ECM2: variants seen among roughly 807,000 people sequenced by gnomAD.
ECM2 encodes extracellular matrix protein 2, female organ and adipocyte specific.
In ECM2, 57 loss-of-function variants were observed where a neutral mutation model predicts 67.5. That is an observed-to-expected ratio of 0.84 (90% CI 0.68 to 1.05). ECM2 has a LOEUF of 1.05. Ranked by LOEUF, ECM2 falls within the 50% of genes least tolerant of loss-of-function variation. ECM2 has a pLI of 0.00. For missense variants in ECM2, 741 were observed against 822.8 expected, an observed-to-expected ratio of 0.90 and a Z score of 1.22; for synonymous variants, 258 against 294.5, an observed-to-expected ratio of 0.88 and a Z score of 1.27.
the ECM2 span, among the ~76,000 whole-genome samples, chr9:92,551,404 C>A: frequency 6.6e-6 from 1 of 152,126 alleles, no homozygotes; most frequent in Admixed American, 6.5e-5. Context: ...GTGGCACAAC[C>A]ATGGCTTACT....
Position 92,496,452 on chromosome 9 carries a change from C to T in ECM2, c.1963G>A (p.Glu655Lys), listed in dbSNP as rs560245338. 3 of 1,607,458 alleles carry T rather than the reference C, an allele frequency of 1.9e-6. No individual in the cohort carries two copies. Among genetic ancestry groups the T allele is most frequent in the African/African-American group, 2.7e-5 (2 of 74,632 alleles). ...NILPEEICNA[E>K]EDDDSNLEHL... Reference sequence around the variant, plus strand: ...TCCAGATTTGAGTCATCATCCTCTTCAGCATTGCAAATTTCTTCTGGAAGA... The same window carrying T: ...TCCAGATTTGAGTCATCATCCTCTTTAGCATTGCAAATTTCTTCTGGAAGA... The change falls in exon 10 of 10, where the codon GAA (glutamate) becomes AAA (lysine). Residue 655 changes from glutamate to lysine, a missense_variant. Transcript: ENST00000344604.
upstream of ECM2, among the ~76,000 whole-genome samples, chr9:92,538,717 C>A (rs1006122897): frequency 6.6e-6 from 1 of 152,126 alleles, no homozygotes; most frequent in Non-Finnish European, 1.5e-5. Flanking sequence ...TTCTCCTACC[C>A]CCTTTATTAT....
Position 92,515,177 on chromosome 9 carries a change from C to T in ECM2, c.508G>A (p.Ala170Thr), listed in dbSNP as rs753862583. ...TVSYSLLSGI[A>T]LNDRNEFSGD... is the part of the protein sequence containing the mutation. ...GAAAATTCATTTCTATCATTTAATG[C>T]TATACCACTGAGTAGAGAATAGGAG... The change falls in exon 4 of 10, where the codon GCA (alanine) becomes ACA (threonine). Residue 170 changes from alanine (A) to threonine (T), a missense_variant. Ala to Thr is a moderately conservative substitution (Grantham distance 58). Coordinates refer to ENST00000344604, the MANE Select transcript of ECM2 (RefSeq NM_001393.4). The T allele has an allele frequency of 3.7e-6, 6 of 1,602,428 alleles. No individual in the cohort carries two copies. Among genetic ancestry groups the T allele is most frequent in the Non-Finnish European group, 5.1e-6 (6 of 1,175,488 alleles).
chr9:92,531,722 T>A (rs1170390617), intron 1 of ECM2, among the ~76,000 whole-genome samples: 2 of 152,156 alleles, frequency 1.3e-5, no homozygotes, highest in African/African-American at 4.8e-5. Flanking sequence ...TAAACATTTA[T>A]CATTTTCCTT....
chr9:92,545,006 G>T, the ECM2 span, among the ~76,000 whole-genome samples: 1 of 152,198 alleles, frequency 6.6e-6, no homozygotes, highest in African/African-American at 2.4e-5. Flanking sequence ...TTACCGGTGT[G>T]AGCAACCACG....
At chr9:92,545,609 C>T in the ECM2 span, among the ~76,000 whole-genome samples, 4 of 152,202 alleles carry the variant, frequency 2.6e-5, no homozygotes, top group African/African-American at 4.8e-5. Flanking sequence ...TCCCACTGAC[C>T]GCCCAAGGGC....
At chr9:92,536,271 G>A (rs147863529), upstream of ECM2, among the ~76,000 whole-genome samples, 6 of 152,232 alleles carry the variant, frequency 3.9e-5, no homozygotes, top group East Asian at 1.2e-3. Context: ...ACACAAAAAT[G>A]AGCTTGATTA....
chr9:92,552,147 TGATA>T, the ECM2 span, among the ~76,000 whole-genome samples: 2 of 144,366 alleles, frequency 1.4e-5, no homozygotes, highest in East Asian at 2.0e-4. Flanking sequence ...ATATGTGATA[TGATA>T]GATCTATCAT....
chr9:92,552,430 A>G, the ECM2 span, among the ~76,000 whole-genome samples: 3 of 152,322 alleles, frequency 2.0e-5, no homozygotes, highest in South Asian at 4.1e-4. Flanking sequence ...ACTGTTTCCC[A>G]TAGTGGCTGT....
At chr9:92,508,626 C>T (rs887233211) in intron 6 of ECM2, among the ~76,000 whole-genome samples, 7 of 152,146 alleles carry the variant, frequency 4.6e-5, no homozygotes, top group African/African-American at 1.7e-4. Context: ...AATGTCTTTC[C>T]CATTTGGCAG....
At chr9:92,508,873 T>C (rs1351791880) in intron 6 of ECM2, among the ~76,000 whole-genome samples, 1 of 152,046 alleles carries the variant, frequency 6.6e-6, no homozygotes, top group Non-Finnish European at 1.5e-5. Context: ...AAAAACATAA[T>C]ATGTTTCAAA....
chr9:92,498,060 A>G (rs1846459173), intron 9 of ECM2, among the ~76,000 whole-genome samples: 1 of 152,042 alleles, frequency 6.6e-6, no homozygotes, highest in Non-Finnish European at 1.5e-5. Flanking sequence ...AGCCAAATAA[A>G]CCTTTTCTCT....
At position 92,514,627 on chromosome 9, in the gene ECM2, T is replaced by C. The variant is rs753295603; in HGVS notation, c.1054+4A>G. ...AAAATAAAGCAGAAGTCAACATCTC[T>C]TACCAGTGAGCTCCAGACTTGTTAT... is the stretch of plus-strand genomic sequence containing the variant. On this transcript the variant is annotated splice_donor_region_variant and intron_variant, in intron 4 of 9. Coordinates refer to ENST00000344604, the MANE Select transcript of ECM2 (RefSeq NM_001393.4). The C allele has an allele frequency of 6.4e-7, 1 of 1,563,934 alleles. No individual in the cohort carries two copies. The highest frequency in any genetic ancestry group is 8.7e-7 in the Non-Finnish European group (1 of 1,153,934).
chr9:92,533,328 A>AATATATATATATATATATATATAT (rs202147064), intron 1 of ECM2, among the ~76,000 whole-genome samples: 1 of 38,336 alleles, frequency 2.6e-5, no homozygotes, highest in African/African-American at 1.5e-4. Context: ...AAAAAAAAAA[A>AATATATATATATATATATATATAT]ATATATATAT....
intron 1 of ECM2, among the ~76,000 whole-genome samples, chr9:92,530,620 TTA>T (rs1848689220): frequency 6.6e-6 from 1 of 152,216 alleles, no homozygotes; most frequent in Admixed American, 6.5e-5. Flanking sequence ...GCATTTATCA[TTA>T]GGTGGATACT....
chr9:92,534,011 G>C (rs902115760), intron 1 of ECM2, among the ~76,000 whole-genome samples: 2 of 151,980 alleles, frequency 1.3e-5, no homozygotes, highest in Non-Finnish European at 2.9e-5. Context: ...TGTTTTTGCT[G>C]TTTAATGTAT....
the ECM2 span, among the ~76,000 whole-genome samples, chr9:92,548,646 A>G: frequency 1.3e-5 from 2 of 152,240 alleles, no homozygotes; most frequent in African/African-American, 2.4e-5. Context: ...AAGTATATTT[A>G]AAATATATCA....
the ECM2 span, among the ~76,000 whole-genome samples, chr9:92,551,950 TATG>T: frequency 3.2e-4 from 39 of 121,502 alleles, 6 homozygotes; most frequent in African/African-American, 1.3e-3. Flanking sequence ...TATATATATA[TATG>T]ATATATATAT....
intron 8 of ECM2, among the ~76,000 whole-genome samples, chr9:92,502,235 A>G (rs1014365182): frequency 1.8e-4 from 28 of 152,334 alleles, no homozygotes; most frequent in African/African-American, 5.8e-4. Context: ...CTAGCTCAGC[A>G]CTTGGCATAT....
Sources: gnomAD v4.1 joint callset for allele counts (sites outside exome capture counted in the v4.1 genomes callset) on GRCh38, gnomAD v4.1.1 for gene constraint, MANE v1.5 for transcripts, NCBI Gene and HGNC (gene_info 2026-07-23, HGNC 2026-07-21) for gene names.